The following ARHGEF38 variants were observed in gnomAD, a reference collection of about 807,000 sequenced individuals.
ARHGEF38 encodes the protein Rho guanine nucleotide exchange factor 38, also known as Rho guanine nucleotide exchange factor (GEF) 38.
A neutral mutation model predicts 79.9 loss-of-function variants in ARHGEF38; 79 were observed. The ratio of observed to expected loss-of-function variants is 0.99; its 90% CI spans 0.82 to 1.19. The LOEUF (loss-of-function observed/expected upper bound fraction) is 1.19, where lower values mean the gene tolerates loss of function less well. Ranked by LOEUF, ARHGEF38 falls within the 50% of genes most tolerant of loss-of-function variation. The probability of loss-of-function intolerance (pLI) is 0.00; values close to 1 mark genes in which losing one functional copy is unlikely to be tolerated. For missense variants in ARHGEF38, 962 were observed against 907.2 expected (o/e 1.06, Z -0.78); for synonymous variants, 366 against 328.3 (o/e 1.11, Z -1.24).
At chr4:105,652,773 A>G (rs759793376) in intron 7 of ARHGEF38, among the ~76,000 whole-genome samples, 1 of 152,212 alleles carries the variant, frequency 6.6e-6, no homozygotes, top group Non-Finnish European at 1.5e-5. Flanking sequence ...ACTGAGTTGG[A>G]GCATAGCAAC....
Position 105,659,369 on chromosome 4 carries a change from A to G in ARHGEF38, c.1545+4A>G. 6.5e-7 allele frequency: 1 copy of G among 1,531,122 alleles called. No homozygotes were observed. Among genetic ancestry groups the G allele is most frequent in the Non-Finnish European group, 8.7e-7 (1 of 1,144,530 alleles). The allele number at this position is 1,531,122 out of a possible 1,614,324, so 94.8% of individuals were successfully genotyped here. ...GGCTTACTCCACACTTGTGCCGGTA[A>G]GCACAGCACCAACACCTAGCTAGCT... On this transcript the variant is annotated splice_donor_region_variant and intron_variant, in intron 10 of 13. Coordinates refer to ENST00000420470, the MANE Select transcript of ARHGEF38 (RefSeq NM_001242729.2).
At chr4:105,576,541 G>A (rs751081416) in intron 1 of ARHGEF38, among the ~76,000 whole-genome samples, 2 of 151,612 alleles carry the variant, frequency 1.3e-5, no homozygotes, top group African/African-American at 4.8e-5. Context: ...AGACTTTACT[G>A]AATTTGTTTA....
At chr4:105,576,597 A>G (rs75658025) in intron 1 of ARHGEF38, among the ~76,000 whole-genome samples, 4,008 of 152,188 alleles carry the variant, frequency 0.026, 181 homozygotes, top group African/African-American at 0.09. Context: ...TTTCCTAAGT[A>G]TAGAGTCATG....
At chr4:105,648,183 C>T (rs999038385) in intron 6 of ARHGEF38, among the ~76,000 whole-genome samples, 7 of 152,098 alleles carry the variant, frequency 4.6e-5, no homozygotes, top group South Asian at 2.1e-4. Flanking sequence ...CCACCGTGCC[C>T]GGCTGAGTTG....
intron 1 of ARHGEF38, among the ~76,000 whole-genome samples, chr4:105,588,761 A>G (rs1430832384): frequency 1.3e-5 from 2 of 152,186 alleles, no homozygotes; most frequent in East Asian, 1.9e-4. Context: ...AAAAACTCCA[A>G]TCATGCAATT....
intron 1 of ARHGEF38, among the ~76,000 whole-genome samples, chr4:105,581,878 T>A (rs1294471740): frequency 6.6e-6 from 1 of 151,990 alleles, no homozygotes; most frequent in African/African-American, 2.4e-5. Flanking sequence ...AATCTCGTAT[T>A]CCTATGGCCG....
chr4:105,676,817 G>A (rs1416628371), intron 13 of ARHGEF38, among the ~76,000 whole-genome samples: 1 of 151,938 alleles, frequency 6.6e-6, no homozygotes, highest in Non-Finnish European at 1.5e-5. Flanking sequence ...ATGAAAATCA[G>A]CTATAATTGT....
At chr4:105,596,290 T>C (rs1168892485) in intron 2 of ARHGEF38, among the ~76,000 whole-genome samples, 2 of 152,144 alleles carry the variant, frequency 1.3e-5, no homozygotes, top group Admixed American at 6.5e-5. Flanking sequence ...GGAAAATTCT[T>C]AGCTGGCCGC....
At position 105,648,411 on chromosome 4, in the gene ARHGEF38, A is replaced by G. The variant is rs1729945252; in HGVS notation, c.875-138A>G. On this transcript the variant is annotated intron_variant, in intron 6 of 13. Coordinates refer to ENST00000420470, the MANE Select transcript of ARHGEF38 (RefSeq NM_001242729.2). Reference sequence around the variant, plus strand: ...TGGGTGGACAGTGGGGCTGGAGCATATGGCCTCTGCAGCAGAGGCTCAAAA... The same window carrying G: ...TGGGTGGACAGTGGGGCTGGAGCATGTGGCCTCTGCAGCAGAGGCTCAAAA... 16 of 675,692 alleles carry G rather than the reference A, an allele frequency of 2.4e-5. No individual in the cohort carries two copies. The South Asian group carries it at 4.3e-4, about 18-fold the overall frequency. The allele number at this position is 675,692 out of a possible 1,614,324, so 41.9% of individuals were successfully genotyped here.
In ARHGEF38 at chr4:105,630,933, G is replaced by C; in HGVS notation, c.544G>C (p.Asp182His). The C allele has an allele frequency of 3.1e-6, 5 of 1,612,052 alleles. No homozygotes were observed. In the South Asian group the frequency reaches 5.5e-5, roughly 18 times the overall value. Residue 182 changes from aspartate to histidine, a missense_variant, in exon 4 of 14, where the codon GAT (aspartate) becomes CAT (histidine). Asp to His is a moderately conservative substitution (Grantham distance 81, BLOSUM62 -1). Coordinates refer to ENST00000420470, the MANE Select transcript of ARHGEF38 (RefSeq NM_001242729.2). The stretch of plus-strand genomic sequence containing the variant: ...CTTGCAGATTAAAGGGCCACTGGAA[G>C]ATATTTATAAAATCTACTGCTATCA... ...VFLQIKGPLE[D>H]IYKIYCYHHD...
chr4:105,652,324 C>A (rs1032587190), intron 7 of ARHGEF38, among the ~76,000 whole-genome samples: 3 of 152,098 alleles, frequency 2.0e-5, no homozygotes, highest in Non-Finnish European at 4.4e-5. Flanking sequence ...AACAAATGTT[C>A]GCTATTATTT....
intron 2 of ARHGEF38, among the ~76,000 whole-genome samples, chr4:105,607,408 G>C (rs1212212046): frequency 6.6e-6 from 1 of 152,032 alleles, no homozygotes; most frequent in Admixed American, 6.6e-5. Flanking sequence ...AGAGTAAATA[G>C]ATCATGTGCA....
At chr4:105,578,817 G>A (rs1193929418) in intron 1 of ARHGEF38, among the ~76,000 whole-genome samples, 2 of 151,954 alleles carry the variant, frequency 1.3e-5, no homozygotes, top group Non-Finnish European at 2.9e-5. Flanking sequence ...TAAGTCTCTG[G>A]AAGACAGTTG....
chr4:105,633,493 T>G (rs553092214), intron 4 of ARHGEF38, among the ~76,000 whole-genome samples: 1 of 152,300 alleles, frequency 6.6e-6, no homozygotes, highest in South Asian at 2.1e-4. Context: ...CTTTTCCTTG[T>G]GGCTAGATAA....
chr4:105,664,049 T>C (rs1411932008), intron 10 of ARHGEF38, among the ~76,000 whole-genome samples: 1 of 151,838 alleles, frequency 6.6e-6, no homozygotes, highest in South Asian at 2.1e-4. Flanking sequence ...ATGTCAATGA[T>C]CATTTGGGTT....
intron 2 of ARHGEF38, among the ~76,000 whole-genome samples, chr4:105,603,758 T>G (rs922795191): frequency 1.3e-5 from 2 of 152,086 alleles, no homozygotes; most frequent in African/African-American, 4.8e-5. Context: ...CCCCAAGAAC[T>G]GTGGGAGTAC....
chr4:105,559,101 A>C (rs953442801), intron 1 of ARHGEF38, among the ~76,000 whole-genome samples: 7 of 152,148 alleles, frequency 4.6e-5, no homozygotes, highest in Non-Finnish European at 1.0e-4. Context: ...TGCCATAATC[A>C]TATTAGCATC....
intron 1 of ARHGEF38, among the ~76,000 whole-genome samples, chr4:105,578,720 C>T (rs929591580): frequency 4.6e-5 from 7 of 152,060 alleles, no homozygotes; most frequent in Non-Finnish European, 1.0e-4. Context: ...TAAGAATAAC[C>T]ATTCCTGTTC....
intron 1 of ARHGEF38, among the ~76,000 whole-genome samples, chr4:105,587,028 A>G (rs1727086709): frequency 6.6e-6 from 1 of 151,970 alleles, no homozygotes; most frequent in African/African-American, 2.4e-5. Flanking sequence ...AGCTCCTCTC[A>G]TAAGGTGTCC....
Sources: allele counts gnomAD v4.1 joint callset (sites outside exome capture counted in the v4.1 genomes callset), GRCh38; gene constraint gnomAD v4.1.1; transcripts MANE v1.5; gene names NCBI Gene and HGNC (gene_info 2026-07-23, HGNC 2026-07-21).